The following ESCO2 variants were observed in gnomAD, a reference collection of about 807,000 sequenced individuals.
ESCO2 encodes N-acetyltransferase ESCO2.
A neutral mutation model predicts 61.7 loss-of-function variants in ESCO2; 51 were observed. The observed-to-expected ratio is 0.83, with a 90% CI of 0.66 to 1.04. ESCO2 has a LOEUF of 1.04. Among genes scored for constraint, ESCO2 ranks in the 50% least tolerant of loss-of-function variants. The probability of loss-of-function intolerance (pLI) is 0.00; values close to 1 mark genes in which losing one functional copy is unlikely to be tolerated. For synonymous variants in ESCO2, 230 were observed against 238.2 expected, an observed-to-expected ratio of 0.97 and a Z score of 0.32; for missense variants, 692 against 686.2, an observed-to-expected ratio of 1.01 and a Z score of -0.09.
At chr8:27,802,637 A>ATC (rs1805467822) in intron 10 of ESCO2, among the ~76,000 whole-genome samples, 1 of 59,126 alleles carries the variant, frequency 1.7e-5, no homozygotes, top group Non-Finnish European at 3.1e-5. Flanking sequence ...AAAAATATAT[A>ATC]TATATATATA....
chr8:27,778,147 C>T (rs1804841115), intron 3 of ESCO2: 1 of 152,224 alleles, frequency 6.6e-6, no homozygotes, highest in Admixed American at 6.5e-5. Context: ...TTCATTTCTA[C>T]ATGGCAATAA....
chr8:27,807,024 CTTAA>C (rs746450908), downstream of ESCO2, among the ~76,000 whole-genome samples: 7 of 152,118 alleles, frequency 4.6e-5, no homozygotes, highest in South Asian at 2.1e-4. Context: ...TCTTTCTAAA[CTTAA>C]TTAATTCTAA....
intron 9 of ESCO2, among the ~76,000 whole-genome samples, chr8:27,798,882 G>A (rs1409426365): frequency 6.6e-6 from 1 of 152,172 alleles, no homozygotes; most frequent in African/African-American, 2.4e-5. Context: ...GGGTAGTGTG[G>A]ATGTGACTAT....
chr8:27,795,527 C>T (rs528367557), intron 9 of ESCO2, among the ~76,000 whole-genome samples: 17 of 152,158 alleles, frequency 1.1e-4, no homozygotes, highest in African/African-American at 3.9e-4. Context: ...ATTGCTCTGG[C>T]GAGGAATTCC....
chr8:27,777,280 A>G, intron 3 of ESCO2, 111 bp downstream of exon 3: 3 of 988,864 alleles, frequency 3.0e-6, no homozygotes, highest in Admixed American at 2.8e-5. Flanking sequence ...GCCAGATAGC[A>G]TAGTGTTTAG....
intron 3 of ESCO2, chr8:27,778,325 T>C (rs1017194421): frequency 2.0e-5 from 3 of 151,972 alleles, no homozygotes; most frequent in African/African-American, 7.3e-5. Context: ...TAAATGTTTG[T>C]TTTTTTTCCT....
chr8:27,813,556 T>A (rs1432550618), downstream of ESCO2, among the ~76,000 whole-genome samples: 1 of 152,022 alleles, frequency 6.6e-6, no homozygotes, highest in Admixed American at 6.6e-5. Flanking sequence ...ATGTTTGATA[T>A]ATGTAAACAC....
chr8:27,811,434 G>C, downstream of ESCO2: 1 of 493,628 alleles, frequency 2.0e-6, no homozygotes, highest in South Asian at 2.2e-5. Flanking sequence ...GCCTTGCTTG[G>C]GTTGGTTCAA....
At chr8:27,789,438 T>C (rs1805123889) in intron 7 of ESCO2, among the ~76,000 whole-genome samples, 1 of 152,174 alleles carries the variant, frequency 6.6e-6, no homozygotes, top group African/African-American at 2.4e-5. Context: ...TTTATTGAAA[T>C]GGCTTGCTTT....
chr8:27,793,640 C>T (rs994731412), intron 9 of ESCO2, among the ~76,000 whole-genome samples: 10 of 152,062 alleles, frequency 6.6e-5, no homozygotes, highest in African/African-American at 2.4e-4. Context: ...CCGCGTGCCA[C>T]CATGCCTGGC....
At chr8:27,810,098 A>C, downstream of ESCO2, 1 of 522,416 alleles carries the variant, frequency 1.9e-6, no homozygotes, top group East Asian at 3.4e-5. Context: ...CTAGTTTCTA[A>C]AACTTTACAG....
chr8:27,799,483 A>T lies in ESCO2; in HGVS notation c.1498-58A>T. 9 of 1,542,832 alleles carry T rather than the reference A, an allele frequency of 5.8e-6. No individual in the cohort carries two copies. Among genetic ancestry groups the T allele is most frequent in the South Asian group, 1.1e-5 (1 of 89,224 alleles). On this transcript the variant is annotated intron_variant, in intron 9 of 10. Coordinates refer to ENST00000305188, the MANE Select transcript of ESCO2 (RefSeq NM_001017420.3). ...ATACTTATTTAAGGAATTTTTTTTT[A>T]AAGCAGTGTGAACTCATCTGTGGTG...
chr8:27,782,286 CAG>C lies in ESCO2; in HGVS notation c.956-1711_956-1710del, dbSNP rs768851717. On this transcript the variant is annotated intron_variant, in intron 4 of 10. Coordinates refer to ENST00000305188, the MANE Select transcript of ESCO2 (RefSeq NM_001017420.3). Reference sequence around the variant, plus strand: ...GAGTGCAATTTTTTTCTCTTTGAGACAGAGGCTCACTCTCACCCAGGCTGGAG... The same window carrying C: ...GAGTGCAATTTTTTTCTCTTTGAGACAGGCTCACTCTCACCCAGGCTGGAG... Among the ~76,000 whole-genome samples the C allele has an allele frequency of 3.9e-5, 6 of 152,184 alleles. No homozygotes were observed. The East Asian group carries it at 7.7e-4, about 20-fold the overall frequency.
At chr8:27,811,217 T>C (rs1805675829), downstream of ESCO2, 1 of 1,158,422 alleles carries the variant, frequency 8.6e-7, no homozygotes, top group Admixed American at 1.8e-5. Context: ...GGCGAACGAT[T>C]TGAACAAGTA....
upstream of ESCO2, among the ~76,000 whole-genome samples, chr8:27,773,308 A>G (rs1184325852): frequency 1.3e-5 from 2 of 152,200 alleles, no homozygotes; most frequent in African/African-American, 4.8e-5. Flanking sequence ...CCTATAGTTT[A>G]ACAATGTCTA....
chr8:27,792,862 G>T (rs367849543), intron 9 of ESCO2, 51 bp downstream of exon 9: 51 of 1,531,572 alleles, frequency 3.3e-5, no homozygotes, highest in Non-Finnish European at 3.9e-5. Context: ...GCAAAATAAA[G>T]AAAAGTTGGG....
intron 10 of ESCO2, among the ~76,000 whole-genome samples, chr8:27,801,703 A>C (rs901608179): frequency 6.6e-6 from 1 of 152,138 alleles, no homozygotes; most frequent in Non-Finnish European, 1.5e-5. Flanking sequence ...GAGTAGTAGG[A>C]AGCCTTTGTC....
downstream of ESCO2, among the ~76,000 whole-genome samples, chr8:27,814,904 T>C (rs1449465995): frequency 6.6e-6 from 1 of 152,192 alleles, no homozygotes; most frequent in African/African-American, 2.4e-5. Flanking sequence ...TTACTTCTGC[T>C]ATAACTAGGA....
intron 3 of ESCO2, chr8:27,779,914 C>T: frequency 5.2e-6 from 2 of 381,506 alleles, no homozygotes; most frequent in South Asian, 5.0e-5. Context: ...ATCTACCCAC[C>T]TCGGCCTCCC....
Sources: allele counts gnomAD v4.1 joint callset (sites outside exome capture counted in the v4.1 genomes callset), GRCh38; gene constraint gnomAD v4.1.1; transcripts MANE v1.5; gene names NCBI Gene and HGNC (gene_info 2026-07-23, HGNC 2026-07-21).